The following ARPP21 variants were observed in gnomAD, a reference collection of about 807,000 sequenced individuals.
ARPP21 encodes cAMP-regulated phosphoprotein 21.
In ARPP21, 69 loss-of-function variants were observed where a neutral mutation model predicts 113.2. The observed-to-expected ratio is 0.61, with a 90% CI of 0.50 to 0.74. The LOEUF (loss-of-function observed/expected upper bound fraction) is 0.74, where lower values mean the gene tolerates loss of function less well. ARPP21 is among the 30% of genes least tolerant of loss of function. The pLI, the probability that ARPP21 is intolerant of heterozygous loss-of-function variation, is 0.00. For synonymous variants in ARPP21, 368 were observed against 375.5 expected, an observed-to-expected ratio of 0.98 and a Z score of 0.23; for missense variants, 1,070 against 1,037.4, an observed-to-expected ratio of 1.03 and a Z score of -0.43.
At chr3:35,648,969 A>G (rs963458730) in intron 1 of ARPP21, among the ~76,000 whole-genome samples, 1 of 152,026 alleles carries the variant, frequency 6.6e-6, no homozygotes. Context: ...TCCTATATGG[A>G]TACATATATA....
At chr3:35,755,358 CT>C (rs752182836) in intron 19 of ARPP21, among the ~76,000 whole-genome samples, 2 of 152,012 alleles carry the variant, frequency 1.3e-5, no homozygotes, top group African/African-American at 4.8e-5. Flanking sequence ...TATTTTCTAT[CT>C]TTAACTCTTG....
intron 6 of ARPP21, among the ~76,000 whole-genome samples, chr3:35,688,253 T>C (rs1199949977): frequency 2.6e-5 from 4 of 151,556 alleles, no homozygotes; most frequent in African/African-American, 9.7e-5. Context: ...TTAACTCTCA[T>C]GTTTATCTTA....
chr3:35,705,108 C>CT (rs1420944712), intron 9 of ARPP21, among the ~76,000 whole-genome samples: 1 of 151,780 alleles, frequency 6.6e-6, no homozygotes, highest in Non-Finnish European at 1.5e-5. Flanking sequence ...ATTACAGAGC[C>CT]TGGGGATATT....
chr3:35,718,572 C>G (rs2092716732), intron 13 of ARPP21, among the ~76,000 whole-genome samples: 1 of 152,006 alleles, frequency 6.6e-6, no homozygotes, highest in Admixed American at 6.6e-5. Flanking sequence ...CTCAGGTTAG[C>G]CATCTCAAAT....
chr3:35,662,824 C>A (rs1179993313), intron 1 of ARPP21, among the ~76,000 whole-genome samples: 1 of 152,040 alleles, frequency 6.6e-6, no homozygotes, highest in Non-Finnish European at 1.5e-5. Flanking sequence ...AAAAAATTAA[C>A]AAAGATTGCA....
At chr3:35,688,932 C>T (rs1322904209) in intron 6 of ARPP21, among the ~76,000 whole-genome samples, 1 of 148,634 alleles carries the variant, frequency 6.7e-6, no homozygotes, top group Non-Finnish European at 1.5e-5. Context: ...TCCATGGGAT[C>T]TCAAACTCTT....
At position 35,693,399 on chromosome 3, in the gene ARPP21, G is replaced by A. The variant is rs577329468; in HGVS notation, c.686+2394G>A. On this transcript the variant is annotated intron_variant, in intron 9 of 20. Transcript: ENST00000684406. ...ATCCTCTATTTGAGTGGCTGTTGAG[G>A]TATGGTGGTGGTTCATCCTCTATTT... Among the ~76,000 whole-genome samples the A allele has an allele frequency of 4.6e-5, 7 of 151,738 alleles. No homozygotes were observed. In the South Asian group the frequency reaches 1.5e-3, roughly 31 times the overall value.
At chr3:35,753,889 A>T (rs1305161348) in intron 19 of ARPP21, among the ~76,000 whole-genome samples, 7 of 151,830 alleles carry the variant, frequency 4.6e-5, no homozygotes, top group Non-Finnish European at 7.4e-5. Flanking sequence ...TAACCAAAGC[A>T]GTTGAGTAAG....
chr3:35,756,138 C>T (rs1313375091), intron 19 of ARPP21, among the ~76,000 whole-genome samples: 2 of 152,042 alleles, frequency 1.3e-5, no homozygotes, highest in African/African-American at 4.8e-5. Context: ...GTTTTAATCA[C>T]CCCCTCCAGC....
chr3:35,793,795 C>A lies in ARPP21; in HGVS notation c.2381C>A (p.Ala794Asp). 4 of 1,614,144 alleles carry A rather than the reference C, an allele frequency of 2.5e-6. No homozygotes were observed. Among genetic ancestry groups the A allele is most frequent in the Non-Finnish European group, 3.4e-6 (4 of 1,180,010 alleles). The change falls in exon 21 of 21, where the codon GCC becomes GAC. Residue 794 changes from alanine (A) to aspartate (D), a missense_variant. Ala to Asp is a moderately radical substitution (Grantham distance 126). Transcript: ENST00000684406. ...CAGGCAGGTCAAGGGTCACTCCCAG[C>A]CACTGGAATGCCTGTTTACTGTAAT... is the stretch of plus-strand genomic sequence containing the variant. ...PNQAGQGSLPATGMPVYCNVT... is the reference protein window; with the variant it reads ...PNQAGQGSLPDTGMPVYCNVT...
intron 9 of ARPP21, among the ~76,000 whole-genome samples, chr3:35,698,900 G>T (rs1468578482): frequency 1.3e-5 from 2 of 151,610 alleles, no homozygotes; most frequent in Non-Finnish European, 3.0e-5. Context: ...GGACACACTG[G>T]ATTCACAATT....
At chr3:35,772,378 C>T (rs1274742245) in intron 19 of ARPP21, among the ~76,000 whole-genome samples, 1 of 152,118 alleles carries the variant, frequency 6.6e-6, no homozygotes, top group Non-Finnish European at 1.5e-5. Context: ...TCCAGTTTAG[C>T]CCAGGCCCCT....
chr3:35,748,580 T>C (rs2095281474), intron 19 of ARPP21, among the ~76,000 whole-genome samples: 1 of 152,190 alleles, frequency 6.6e-6, no homozygotes, highest in Admixed American at 6.5e-5. Flanking sequence ...AATTTTAAAA[T>C]CATTCTATCT....
chr3:35,759,702 G>GTGTGTA (rs1275003156), intron 19 of ARPP21, among the ~76,000 whole-genome samples: 2 of 151,406 alleles, frequency 1.3e-5, no homozygotes, highest in East Asian at 3.9e-4. Context: ...GTGTGTGTGT[G>GTGTGTA]TGTGTATGAC....
intron 19 of ARPP21, among the ~76,000 whole-genome samples, chr3:35,748,960 G>A (rs1246196607): frequency 6.6e-6 from 1 of 152,224 alleles, no homozygotes; most frequent in Non-Finnish European, 1.5e-5. Context: ...GGTTAACTGT[G>A]TAGGGAAAAG....
At chr3:35,770,459 A>G (rs2096158245) in intron 19 of ARPP21, among the ~76,000 whole-genome samples, 1 of 152,178 alleles carries the variant, frequency 6.6e-6, no homozygotes, top group Admixed American at 6.5e-5. Context: ...TTATCTGGAA[A>G]CTGAGCATTC....
At chr3:35,684,863 C>A in intron 5 of ARPP21, 1 of 984,622 alleles carries the variant, frequency 1.0e-6, no homozygotes, top group Non-Finnish European at 1.2e-6. Flanking sequence ...GACAGGCTAT[C>A]TTTCAGTGGC....
chr3:35,689,402 G>T lies in ARPP21; in HGVS notation c.485+17G>T, dbSNP rs201511348. 73 of 1,210,796 alleles carry T rather than the reference G, an allele frequency of 6.0e-5. No homozygotes were observed. Among genetic ancestry groups the T allele is most frequent in the Non-Finnish European group, 8.5e-5 (69 of 814,524 alleles). The allele number at this position is 1,210,796 out of a possible 1,614,324, so 75.0% of individuals were successfully genotyped here. A position where few individuals can be genotyped will look rare whatever the true frequency, so the allele number is the denominator to read the frequency against. ...TAATTCCAGGTAAATTATTAAATGA[G>T]CCTCTTATTTTTAGAAGGATCAAAT... On this transcript the variant is annotated intron_variant, in intron 7 of 20. Coordinates refer to ENST00000684406, the MANE Select transcript of ARPP21 (RefSeq NM_001385562.1).
At chr3:35,650,172 C>T (rs557713860) in intron 1 of ARPP21, 76 of 152,238 alleles carry the variant, frequency 5.0e-4, no homozygotes, top group African/African-American at 1.5e-3. Flanking sequence ...AAAATACATT[C>T]GAGAACACAT....
Sources: allele counts gnomAD v4.1 joint callset (sites outside exome capture counted in the v4.1 genomes callset), GRCh38; gene constraint gnomAD v4.1.1; transcripts MANE v1.5; gene names NCBI Gene and HGNC (gene_info 2026-07-23, HGNC 2026-07-21).